PTPRM: variants seen among roughly 807,000 people sequenced by gnomAD.
The protein encoded by PTPRM is receptor-type tyrosine-protein phosphatase mu.
In PTPRM, 47 loss-of-function variants were observed where a neutral mutation model predicts 186.7. The observed-to-expected ratio is 0.25, with a 90% CI of 0.20 to 0.32. The LOEUF is 0.32. PTPRM is among the 10% of genes least tolerant of loss of function. The pLI is 1.00. For synonymous variants in PTPRM, 668 were observed against 674.9 expected (o/e 0.99, Z 0.16); for missense variants, 1,494 against 1,865.0 (o/e 0.80, Z 3.66).
chr18:8,202,196 A>T (rs1456647306), intron 14 of PTPRM, among the ~76,000 whole-genome samples: 1 of 152,212 alleles, frequency 6.6e-6, no homozygotes, highest in Non-Finnish European at 1.5e-5. Flanking sequence ...TTATTATAAG[A>T]TCTCATACGA....
intron 20 of PTPRM, among the ~76,000 whole-genome samples, chr18:8,308,939 A>T (rs2095247193): frequency 6.6e-6 from 1 of 152,216 alleles, no homozygotes. Context: ...GTTCTACTGG[A>T]CAGCGTTGGT....
At chr18:8,171,577 T>A (rs774357402) in intron 14 of PTPRM, among the ~76,000 whole-genome samples, 1 of 152,198 alleles carries the variant, frequency 6.6e-6, no homozygotes, top group South Asian at 2.1e-4. Flanking sequence ...TAAATGTGTT[T>A]GTTTCTATGT....
At chr18:8,140,207 T>C (rs1391280841) in intron 13 of PTPRM, among the ~76,000 whole-genome samples, 1 of 152,090 alleles carries the variant, frequency 6.6e-6, no homozygotes, top group African/African-American at 2.4e-5. Flanking sequence ...CTGACAGCCT[T>C]CATGGCCTTC....
chr18:8,164,191 C>T (rs1026718568), intron 14 of PTPRM, among the ~76,000 whole-genome samples: 6 of 152,154 alleles, frequency 3.9e-5, no homozygotes, highest in African/African-American at 1.4e-4. Context: ...AAGTCTCTTG[C>T]TTAGTTAATT....
Position 8,321,036 on chromosome 18 carries a change from G to A in PTPRM, c.2956+1822G>A, listed in dbSNP as rs534037473. 3.9e-5 allele frequency among the ~76,000 whole-genome samples: 6 copies of A among 152,212 alleles called. No individual in the cohort carries two copies. The East Asian group carries it at 5.8e-4, about 15-fold the overall frequency. On this transcript the variant is annotated intron_variant, in intron 22 of 32. Transcript: ENST00000580170. ...TCTCCTAACCCTGCTGCTTCCAAAC[G>A]GAATTCATCAATGCCGTTAGAGGAA...
intron 31 of PTPRM, among the ~76,000 whole-genome samples, chr18:8,388,811 A>G (rs1393018312): frequency 6.6e-6 from 1 of 152,118 alleles, no homozygotes; most frequent in East Asian, 1.9e-4. Context: ...AACACAAAAA[A>G]TTAGCCAGGC....
intron 30 of PTPRM, among the ~76,000 whole-genome samples, chr18:8,386,856 ATT>A (rs1176548583): frequency 6.6e-6 from 1 of 152,016 alleles, no homozygotes; most frequent in African/African-American, 2.4e-5. Context: ...CTGGCCTGTC[ATT>A]TGTCTGGCCT....
At chr18:7,906,356 G>T in intron 3 of PTPRM, 149 bp from the exon 4 acceptor site, 1 of 665,210 alleles carries the variant, frequency 1.5e-6, no homozygotes, top group Non-Finnish European at 2.7e-6. Context: ...TTGTAGTCTA[G>T]AACCTGGAAC....
At chr18:8,245,168 C>T (rs951513635) in intron 15 of PTPRM, among the ~76,000 whole-genome samples, 2 of 152,124 alleles carry the variant, frequency 1.3e-5, no homozygotes, top group African/African-American at 4.8e-5. Flanking sequence ...TACTGCAGCT[C>T]CCCTCCACTC....
At chr18:7,937,145 CA>C (rs1568038619) in intron 5 of PTPRM, among the ~76,000 whole-genome samples, 2 of 152,292 alleles carry the variant, frequency 1.3e-5, no homozygotes, top group East Asian at 3.9e-4. Flanking sequence ...CGGGACCCAC[CA>C]AATGGCAGGG....
chr18:7,911,846 A>T (rs1458039272), intron 4 of PTPRM, among the ~76,000 whole-genome samples: 2 of 80,672 alleles, frequency 2.5e-5, no homozygotes, highest in African/African-American at 1.1e-4. Flanking sequence ...TATGGTTTCA[A>T]TTTTTTTTTT....
chr18:7,787,357 G>A (rs138986769), intron 2 of PTPRM, among the ~76,000 whole-genome samples: 111 of 152,336 alleles, frequency 7.3e-4, no homozygotes, highest in African/African-American at 2.4e-3. Context: ...GGTTGTCAGC[G>A]TTGTTGAATG....
chr18:7,828,494 C>T (rs1373654850), intron 2 of PTPRM, among the ~76,000 whole-genome samples: 2 of 152,054 alleles, frequency 1.3e-5, no homozygotes, highest in Non-Finnish European at 2.9e-5. Flanking sequence ...AAACTGAAAC[C>T]TGGCAGTGAC....
At chr18:8,330,791 A>C (rs2095408151) in intron 22 of PTPRM, among the ~76,000 whole-genome samples, 1 of 151,934 alleles carries the variant, frequency 6.6e-6, no homozygotes, top group Admixed American at 6.6e-5. Flanking sequence ...CGCCAGCAGG[A>C]TGCTTCTGTG....
intron 13 of PTPRM, among the ~76,000 whole-genome samples, chr18:8,126,837 G>A (rs1432871492): frequency 6.6e-6 from 1 of 152,144 alleles, no homozygotes; most frequent in Non-Finnish European, 1.5e-5. Context: ...AGGTCCGGTG[G>A]TGTGATGAAG....
chr18:7,987,984 C>T (rs932357510), intron 7 of PTPRM, among the ~76,000 whole-genome samples: 1 of 144,878 alleles, frequency 6.9e-6, no homozygotes, highest in African/African-American at 2.6e-5. Flanking sequence ...CAGGACCAGC[C>T]TGGACAACAT....
chr18:7,725,337 A>G (rs1441795049), intron 1 of PTPRM, among the ~76,000 whole-genome samples: 3 of 152,014 alleles, frequency 2.0e-5, no homozygotes, highest in Non-Finnish European at 2.9e-5. Flanking sequence ...AGTGCTTGTT[A>G]TTGTCCATAT....
intron 2 of PTPRM, among the ~76,000 whole-genome samples, chr18:7,774,691 C>T (rs887220074): frequency 6.6e-6 from 1 of 152,174 alleles, no homozygotes; most frequent in African/African-American, 2.4e-5. Flanking sequence ...CCTGGGAGAT[C>T]TAGGAGAATG....
chr18:8,055,978 G>A (rs558350063), intron 7 of PTPRM, among the ~76,000 whole-genome samples: 1 of 152,272 alleles, frequency 6.6e-6, no homozygotes, highest in Admixed American at 6.5e-5. Context: ...GTAAGGTGTT[G>A]CTGGAGACAC....
Sources: gnomAD v4.1 joint callset for allele counts (sites outside exome capture counted in the v4.1 genomes callset) on GRCh38, gnomAD v4.1.1 for gene constraint, MANE v1.5 for transcripts, NCBI Gene and HGNC (gene_info 2026-07-23, HGNC 2026-07-21) for gene names.